COX16: variants seen among roughly 807,000 people sequenced by gnomAD.
The protein encoded by COX16 is cytochrome c oxidase assembly factor COX16.
In COX16, 12 loss-of-function variants were observed where a neutral mutation model predicts 15.4. The observed-to-expected ratio is 0.78, with a 90% CI of 0.50 to 1.26. The LOEUF is 1.26. Ranked by LOEUF, COX16 falls within the 50% of genes most tolerant of loss-of-function variation. The pLI is 0.00. For synonymous variants in COX16, 46 were observed against 41.1 expected (o/e 1.12, Z -0.46); for missense variants, 124 against 127.6 (o/e 0.97, Z 0.14).
chr14:70,357,014 G>C (rs930134017), intron 1 of COX16, among the ~76,000 whole-genome samples: 1 of 152,056 alleles, frequency 6.6e-6, no homozygotes, highest in African/African-American at 2.4e-5. Context: ...AGAGGTTGGA[G>C]CTCTTTAAAA....
chr14:70,338,218 A>G (rs865786084), intron 2 of COX16, among the ~76,000 whole-genome samples: 10 of 152,238 alleles, frequency 6.6e-5, no homozygotes, highest in Middle Eastern at 3.4e-3. Flanking sequence ...AGCTAAATCA[A>G]TCCTCCCAGA....
intron 2 of COX16, among the ~76,000 whole-genome samples, chr14:70,330,388 C>T (rs1334684033): frequency 6.6e-6 from 1 of 152,102 alleles, no homozygotes; most frequent in Admixed American, 6.5e-5. Flanking sequence ...AATGAATAAC[C>T]TCACACAAAG....
chr14:70,349,145 G>A (rs919099246), intron 1 of COX16, among the ~76,000 whole-genome samples: 26 of 152,110 alleles, frequency 1.7e-4, no homozygotes, highest in Admixed American at 6.5e-4. Flanking sequence ...CAACTTCTCC[G>A]CCCTGTTCTC....
intron 1 of COX16, among the ~76,000 whole-genome samples, chr14:70,347,912 T>C (rs1886830355): frequency 6.6e-6 from 1 of 152,098 alleles, no homozygotes; most frequent in South Asian, 2.1e-4. Context: ...ACCAAGACAC[T>C]AAAGGCCCTC....
intron 2 of COX16, among the ~76,000 whole-genome samples, chr14:70,340,264 G>A (rs1287392653): frequency 2.0e-5 from 3 of 152,158 alleles, no homozygotes; most frequent in African/African-American, 7.2e-5. Flanking sequence ...GCCATGTGAA[G>A]AAGGTCATGT....
intron 2 of COX16, among the ~76,000 whole-genome samples, chr14:70,340,032 C>G (rs1886577615): frequency 6.6e-6 from 1 of 152,208 alleles, no homozygotes; most frequent in Non-Finnish European, 1.5e-5. Flanking sequence ...AGCTCAACCT[C>G]CCCTGTTCTC....
chr14:70,345,784 G>A (rs1205049485), intron 1 of COX16, among the ~76,000 whole-genome samples: 2 of 151,666 alleles, frequency 1.3e-5, no homozygotes, highest in East Asian at 3.9e-4. Context: ...CATTCTCACC[G>A]CCCTGATCGC....
chr14:70,355,979 C>T (rs1053135195), intron 1 of COX16, among the ~76,000 whole-genome samples: 5 of 152,170 alleles, frequency 3.3e-5, no homozygotes, highest in Non-Finnish European at 5.9e-5. Context: ...CACATGCTGG[C>T]TCCCTTTTGC....
chr14:70,329,182 C>T lies in COX16; in HGVS notation c.196G>A (p.Glu66Lys). The stretch of plus-strand genomic sequence containing the variant: ...ATATTAACATACCGTACCTCATATT[C>T]CGACTCTAAAGATATTTTATTCTCT... ...LKENKISLES[E>K]YEKIKDSKFD... Residue 66 changes from glutamate to lysine, a missense_variant, in exon 3 of 4, where the codon GAA becomes AAA. By Grantham distance (56) the Glu-to-Lys change is moderately conservative. Transcript: ENST00000389912. 6.2e-7 allele frequency: 1 copy of T among 1,603,678 alleles called. No homozygotes were observed. The highest frequency in any genetic ancestry group is 8.5e-7 in the Non-Finnish European group (1 of 1,174,142).
chr14:70,326,541 G>C, intron 3 of COX16, 92 bp from the exon 4 acceptor site: 2 of 880,590 alleles, frequency 2.3e-6, no homozygotes, highest in Non-Finnish European at 3.2e-6. Flanking sequence ...TAAATGAGTA[G>C]AAAGTATCCG....
At position 70,359,622 on chromosome 14, in the gene COX16, G is replaced by C. The variant is rs753315368; in HGVS notation, c.-35C>G. On this transcript the variant is annotated 5_prime_UTR_variant, in exon 1 of 4. Transcript: ENST00000389912. ...CTTCCATCGGCTCAGAACTCCAAGC[G>C]GGCCTAGCGCAGACTCCCAAATCTC... 5 of 1,604,358 alleles carry C rather than the reference G, an allele frequency of 3.1e-6. No homozygotes were observed. Among genetic ancestry groups the C allele is most frequent in the South Asian group, 2.2e-5 (2 of 90,822 alleles).
chr14:70,357,158 C>CAAAAAAA lies in COX16; in HGVS notation c.69+2354_69+2360dup, dbSNP rs4048531. Among the ~76,000 whole-genome samples, 463 of 78,694 alleles carry CAAAAAAA rather than the reference C, an allele frequency of 5.9e-3. 15 individuals are homozygous for CAAAAAAA. The highest frequency in any genetic ancestry group is 0.011 in the Middle Eastern group (1 of 90). The allele number at this position is 78,694 out of a possible 152,430, so 51.6% of individuals were successfully genotyped here. A position where few individuals can be genotyped will look rare whatever the true frequency, so the allele number is the denominator to read the frequency against. On this transcript the variant is annotated intron_variant, in intron 1 of 3. Coordinates refer to ENST00000389912, the MANE Select transcript of COX16 (RefSeq NM_016468.7). Reference sequence around the variant, plus strand: ...CAGACTTCTCCTAGGAAGCGTTTGTCAAAAAAAAAAAAAAAAAAAAAAAAA... The same window carrying CAAAAAAA: ...CAGACTTCTCCTAGGAAGCGTTTGTCAAAAAAAAAAAAAAAAAAAAAAAAAAAAAAAA...
rs545081582 is a variant in COX16 at position 70,333,473 on chromosome 14, A to G, written c.142-4237T>C. Among the ~76,000 whole-genome samples, 3 of 152,354 alleles carry G rather than the reference A, an allele frequency of 2.0e-5. No homozygotes were observed. In the South Asian group the frequency reaches 6.2e-4, roughly 32 times the overall value. On this transcript the variant is annotated intron_variant, in intron 2 of 3. Transcript: ENST00000389912. The stretch of plus-strand genomic sequence containing the variant: ...TGCACTACAAAGCATCAACAGAAGA[A>G]TTCAGCAAACAGATGAAAGATCAGT...
intron 2 of COX16, among the ~76,000 whole-genome samples, chr14:70,335,577 A>C (rs1886425114): frequency 6.6e-6 from 1 of 150,994 alleles, no homozygotes; most frequent in Non-Finnish European, 1.5e-5. Flanking sequence ...GAAATTATAC[A>C]CAACGCTCCT....
chr14:70,345,826 C>T (rs561682906), intron 1 of COX16, among the ~76,000 whole-genome samples: 3 of 152,142 alleles, frequency 2.0e-5, no homozygotes, highest in South Asian at 2.1e-4. Context: ...TCATTTTTCT[C>T]GTTCGATCCA....
At chr14:70,330,753 T>A (rs1452562641) in intron 2 of COX16, among the ~76,000 whole-genome samples, 1 of 152,104 alleles carries the variant, frequency 6.6e-6, no homozygotes, top group African/African-American at 2.4e-5. Flanking sequence ...TATGACAAAT[T>A]AGGCACAGAA....
chr14:70,331,837 G>A (rs1474442547), intron 2 of COX16, among the ~76,000 whole-genome samples: 1 of 81,876 alleles, frequency 1.2e-5, no homozygotes, highest in African/African-American at 4.4e-5. Context: ...CAAGATGGCA[G>A]AATAGAAGGT....
At chr14:70,338,253 C>T (rs1454789776) in intron 2 of COX16, among the ~76,000 whole-genome samples, 3 of 152,178 alleles carry the variant, frequency 2.0e-5, no homozygotes, top group African/African-American at 2.4e-5. Flanking sequence ...GCTGGGACTG[C>T]GGGCACGCAC....
chr14:70,356,534 G>C (rs988269979), intron 1 of COX16, among the ~76,000 whole-genome samples: 2 of 152,090 alleles, frequency 1.3e-5, no homozygotes, highest in Non-Finnish European at 2.9e-5. Context: ...ATTTTAAAAA[G>C]GCTATGGAGA....
Sources: gnomAD v4.1 joint callset for allele counts (sites outside exome capture counted in the v4.1 genomes callset) on GRCh38, gnomAD v4.1.1 for gene constraint, MANE v1.5 for transcripts, NCBI Gene and HGNC (gene_info 2026-07-23, HGNC 2026-07-21) for gene names.